CDK5RAP2: variants seen among roughly 807,000 people sequenced by gnomAD.
The protein encoded by CDK5RAP2 is CDK5 regulatory subunit associated protein 2.
Under a neutral mutation model 232.9 loss-of-function variants are expected in CDK5RAP2, and 147 were observed. The observed-to-expected ratio is 0.63, with a 90% CI of 0.55 to 0.72. The LOEUF is 0.72. Ranked by LOEUF, CDK5RAP2 falls within the 30% of genes least tolerant of loss-of-function variation. The pLI, the probability that CDK5RAP2 is intolerant of heterozygous loss-of-function variation, is 0.00. For synonymous variants in CDK5RAP2, 833 were observed against 833.7 expected (o/e 1.00, Z 0.01); for missense variants, 2,195 against 2,231.5 (o/e 0.98, Z 0.33).
At chr9:120,420,186 C>A (rs1349447449) in intron 26 of CDK5RAP2, among the ~76,000 whole-genome samples, 1 of 152,196 alleles carries the variant, frequency 6.6e-6, no homozygotes, top group Non-Finnish European at 1.5e-5. Flanking sequence ...GGGGATTGTG[C>A]CTGTCCCACA....
At chr9:120,489,866 G>A (rs996111678) in intron 13 of CDK5RAP2, among the ~76,000 whole-genome samples, 1 of 150,066 alleles carries the variant, frequency 6.7e-6, no homozygotes, top group Non-Finnish European at 1.5e-5. Flanking sequence ...GGAGTGCAGT[G>A]GCACAATCTC....
intron 19 of CDK5RAP2, 55 bp from the exon 20 acceptor site, chr9:120,458,677 G>T: frequency 1.3e-6 from 2 of 1,530,512 alleles, no homozygotes; most frequent in Non-Finnish European, 1.8e-6. Context: ...GGAATGGGGT[G>T]TGTGGAGAGA....
At chr9:120,413,814 G>A (rs187724990) in intron 28 of CDK5RAP2, among the ~76,000 whole-genome samples, 23,433 of 141,950 alleles carry the variant, frequency 0.17, 2,235 homozygotes, top group East Asian at 0.32. Flanking sequence ...GAGCGAGGAG[G>A]GAGGAGGGAG....
chr9:120,414,365 C>A (rs950104785), intron 28 of CDK5RAP2, among the ~76,000 whole-genome samples: 4 of 152,150 alleles, frequency 2.6e-5, no homozygotes, highest in African/African-American at 9.7e-5. Flanking sequence ...AAGATACATG[C>A]TTTACGGAAT....
chr9:120,408,534 CCA>C, intron 30 of CDK5RAP2, 66 bp from the exon 31 acceptor site: 1 of 1,591,448 alleles, frequency 6.3e-7, no homozygotes, highest in South Asian at 1.1e-5. Context: ...TATTCAAACC[CCA>C]CAGAGCAGGC....
Position 120,539,165 on chromosome 9 carries a change from C to T in CDK5RAP2, c.384-1G>A, listed in dbSNP as rs1564356278. On this transcript the variant is annotated splice_acceptor_variant, in intron 5 of 37. Transcript: ENST00000349780. LOFTEE classifies it high-confidence loss of function. ...TTCAGCTAAGCTCTCAACTGCTTTG[C>T]TGCAAAAAGAGGCACAGGGGTAAAA... The T allele has an allele frequency of 1.9e-6, 3 of 1,613,818 alleles. No individual in the cohort carries two copies. The highest frequency in any genetic ancestry group is 1.7e-4 in the Middle Eastern group (1 of 6,056).
chr9:120,426,474 G>A (rs751797575), intron 25 of CDK5RAP2, among the ~76,000 whole-genome samples: 3 of 152,228 alleles, frequency 2.0e-5, no homozygotes, highest in Non-Finnish European at 4.4e-5. Context: ...TTGGCACTTG[G>A]TTGAAAGAGT....
chr9:120,472,447 G>A (rs1588429562), intron 15 of CDK5RAP2, among the ~76,000 whole-genome samples: 1 of 152,164 alleles, frequency 6.6e-6, no homozygotes, highest in Non-Finnish European at 1.5e-5. Context: ...TGGGCACCCG[G>A]GCTTCAGAAG....
At chr9:120,522,956 C>T (rs2040736319) in intron 11 of CDK5RAP2, among the ~76,000 whole-genome samples, 1 of 152,208 alleles carries the variant, frequency 6.6e-6, no homozygotes, top group Non-Finnish European at 1.5e-5. Flanking sequence ...TACTCACACA[C>T]AATCAGAGGA....
chr9:120,453,026 C>T (rs1393932617), intron 21 of CDK5RAP2, among the ~76,000 whole-genome samples: 1 of 152,184 alleles, frequency 6.6e-6, no homozygotes, highest in Non-Finnish European at 1.5e-5. Context: ...CCTGCAAAAG[C>T]AAATGTTCAT....
At chr9:120,547,160 T>C (rs1477051763) in intron 4 of CDK5RAP2, among the ~76,000 whole-genome samples, 1 of 151,962 alleles carries the variant, frequency 6.6e-6, no homozygotes, top group Non-Finnish European at 1.5e-5. Context: ...AGCTAATTTT[T>C]TGTATTTTTA....
At chr9:120,437,169 G>C (rs1424664592) in intron 25 of CDK5RAP2, 126 bp downstream of exon 25, 1 of 739,884 alleles carries the variant, frequency 1.4e-6, no homozygotes, top group Non-Finnish European at 2.4e-6. Context: ...TGGTTCTGCT[G>C]TCACCTCATC....
rs1013167006 is a variant in CDK5RAP2 at position 120,552,906 on chromosome 9, GA to G, written c.196-2005del. ...AATTAACTCAAATGAGTAGAGACAG[GA>G]AAAAAAGAGATAAAGCAAATACAGA... is the stretch of plus-strand genomic sequence containing the variant. On this transcript the variant is annotated intron_variant, in intron 3 of 37. Coordinates refer to ENST00000349780, the MANE Select transcript of CDK5RAP2 (RefSeq NM_018249.6). Among the ~76,000 whole-genome samples the G allele has an allele frequency of 5.9e-5, 9 of 151,476 alleles. 1 individual carries two copies. The highest frequency in any genetic ancestry group is 2.2e-4 in the African/African-American group (9 of 41,302).
At chr9:120,567,821 T>C (rs1443586475) in intron 3 of CDK5RAP2, among the ~76,000 whole-genome samples, 2 of 152,174 alleles carry the variant, frequency 1.3e-5, no homozygotes, top group Admixed American at 6.5e-5. Flanking sequence ...TGGATTCAAA[T>C]CCCAACTCTG....
At chr9:120,529,075 C>T (rs1420070582) in intron 8 of CDK5RAP2, among the ~76,000 whole-genome samples, 1 of 152,124 alleles carries the variant, frequency 6.6e-6, no homozygotes, top group African/African-American at 2.4e-5. Flanking sequence ...ACTAGAGGGC[C>T]GTGTGGCGGA....
intron 3 of CDK5RAP2, among the ~76,000 whole-genome samples, chr9:120,567,669 G>A (rs1391049679): frequency 6.6e-6 from 1 of 152,158 alleles, no homozygotes; most frequent in Non-Finnish European, 1.5e-5. Flanking sequence ...CCATCACCAA[G>A]TAATCCATTC....
intron 12 of CDK5RAP2, among the ~76,000 whole-genome samples, chr9:120,497,281 C>T (rs1373658003): frequency 3.1e-5 from 4 of 127,894 alleles, no homozygotes; most frequent in African/African-American, 1.1e-4. Context: ...TGTGGAAGGC[C>T]GCAGGGTCCT....
chr9:120,468,404 AG>A (rs1188015429), intron 17 of CDK5RAP2, among the ~76,000 whole-genome samples: 1 of 152,196 alleles, frequency 6.6e-6, no homozygotes, highest in Non-Finnish European at 1.5e-5. Flanking sequence ...AAGTCTCCCA[AG>A]GCGAAAGTTT....
intron 7 of CDK5RAP2, among the ~76,000 whole-genome samples, chr9:120,531,971 G>T (rs2041173127): frequency 6.6e-6 from 1 of 151,790 alleles, no homozygotes; most frequent in Non-Finnish European, 1.5e-5. Flanking sequence ...TTGAAGCACT[G>T]TGTTGTATGT....
Sources: gnomAD v4.1 joint callset for allele counts (sites outside exome capture counted in the v4.1 genomes callset) on GRCh38, gnomAD v4.1.1 for gene constraint, MANE v1.5 for transcripts, NCBI Gene and HGNC (gene_info 2026-07-23, HGNC 2026-07-21) for gene names.